The following TMEM108 variants were observed in gnomAD, a reference collection of about 807,000 sequenced individuals.
TMEM108 encodes transmembrane protein 108.
A neutral mutation model predicts 35.1 loss-of-function variants in TMEM108; 12 were observed. The observed-to-expected ratio is 0.34, with a 90% CI of 0.22 to 0.55. The LOEUF is 0.55. Ranked by LOEUF, TMEM108 falls within the 20% of genes least tolerant of loss-of-function variation. The probability of loss-of-function intolerance (pLI) is 0.89; values close to 1 mark genes in which losing one functional copy is unlikely to be tolerated. For missense variants in TMEM108, 680 were observed against 753.3 expected, an observed-to-expected ratio of 0.90 and a Z score of 1.14; for synonymous variants, 287 against 308.6, an observed-to-expected ratio of 0.93 and a Z score of 0.73.
chr3:133,146,324 G>A (rs1015983098), intron 2 of TMEM108, among the ~76,000 whole-genome samples: 1 of 152,146 alleles, frequency 6.6e-6, no homozygotes, highest in Non-Finnish European at 1.5e-5. Flanking sequence ...TGACTTGACT[G>A]TGGTGGATAA....
chr3:133,392,247 C>G (rs2073245105), intron 5 of TMEM108, among the ~76,000 whole-genome samples: 1 of 124,496 alleles, frequency 8.0e-6, no homozygotes, highest in Non-Finnish European at 1.8e-5. Flanking sequence ...ACTGCAGCCT[C>G]TGCCTCCCAG....
chr3:133,283,321 G>A (rs1946941345), intron 3 of TMEM108, among the ~76,000 whole-genome samples: 1 of 152,098 alleles, frequency 6.6e-6, no homozygotes, highest in Admixed American at 6.5e-5. Context: ...ACCAGTGTGA[G>A]GGAAAATAAT....
chr3:133,111,159 T>C (rs1944219526), intron 2 of TMEM108, among the ~76,000 whole-genome samples: 1 of 152,164 alleles, frequency 6.6e-6, no homozygotes, highest in Non-Finnish European at 1.5e-5. Flanking sequence ...AATTTTTGAA[T>C]GTAGTGTAAA....
chr3:133,188,983 T>C (rs993136085), intron 2 of TMEM108, among the ~76,000 whole-genome samples: 1 of 151,894 alleles, frequency 6.6e-6, no homozygotes, highest in East Asian at 1.9e-4. Flanking sequence ...AGGGTAGGAG[T>C]GGGTGGGTGT....
At chr3:133,387,419 A>G in intron 4 of TMEM108, 1 of 985,490 alleles carries the variant, frequency 1.0e-6, no homozygotes, top group Non-Finnish European at 1.2e-6. Context: ...TCAGGCCAGG[A>G]GCATGAACAT....
At chr3:133,100,135 G>C (rs1944068893) in intron 2 of TMEM108, among the ~76,000 whole-genome samples, 1 of 152,196 alleles carries the variant, frequency 6.6e-6, no homozygotes, top group African/African-American at 2.4e-5. Flanking sequence ...CATGGCAGCG[G>C]CGAGAGAAAA....
At chr3:133,098,753 G>T (rs1202836240) in intron 2 of TMEM108, among the ~76,000 whole-genome samples, 1 of 152,158 alleles carries the variant, frequency 6.6e-6, no homozygotes, top group Non-Finnish European at 1.5e-5. Context: ...GCTCCAAAAC[G>T]ATCTCCTTTG....
At chr3:133,246,927 A>T (rs1946394718) in intron 3 of TMEM108, 1 of 152,226 alleles carries the variant, frequency 6.6e-6, no homozygotes, top group African/African-American at 2.4e-5. Flanking sequence ...ATATTCTGAA[A>T]CATCAGATGT....
intron 2 of TMEM108, among the ~76,000 whole-genome samples, chr3:133,189,347 G>C (rs1258099163): frequency 6.6e-6 from 1 of 152,162 alleles, no homozygotes; most frequent in African/African-American, 2.4e-5. Context: ...TATAAACATG[G>C]ACCCTCTTTA....
chr3:133,390,389 C>T, intron 5 of TMEM108, 55 bp downstream of exon 5: 10 of 1,593,444 alleles, frequency 6.3e-6, no homozygotes, highest in Non-Finnish European at 7.7e-6. Context: ...CCAAAGAGAG[C>T]CATGGGGCAT....
At chr3:133,142,842 A>G (rs185530534) in intron 2 of TMEM108, among the ~76,000 whole-genome samples, 2 of 152,252 alleles carry the variant, frequency 1.3e-5, no homozygotes, top group East Asian at 3.9e-4. Context: ...ACATGTCTCA[A>G]TTATTTTCCC....
chr3:133,099,646 A>G (rs1217704413), intron 2 of TMEM108, among the ~76,000 whole-genome samples: 1 of 152,124 alleles, frequency 6.6e-6, no homozygotes, highest in Non-Finnish European at 1.5e-5. Context: ...GATACCCTAA[A>G]TCATCTCTCT....
chr3:133,308,334 A>G (rs1046951054), intron 3 of TMEM108, among the ~76,000 whole-genome samples: 2 of 152,066 alleles, frequency 1.3e-5, no homozygotes, highest in African/African-American at 4.8e-5. Flanking sequence ...CCCTTTTCCT[A>G]ATTGAATAAC....
intron 4 of TMEM108, among the ~76,000 whole-genome samples, chr3:133,385,756 A>G (rs536876791): frequency 1.1e-4 from 17 of 152,358 alleles, no homozygotes; most frequent in African/African-American, 4.1e-4. Flanking sequence ...ACATACCTGC[A>G]CACAACCCCA....
chr3:133,048,403 C>T (rs1943364402), intron 2 of TMEM108, among the ~76,000 whole-genome samples: 1 of 151,976 alleles, frequency 6.6e-6, no homozygotes, highest in Non-Finnish European at 1.5e-5. Flanking sequence ...TAATATATGC[C>T]CTTTGAATTA....
At chr3:133,280,343 G>T (rs986662957) in intron 3 of TMEM108, among the ~76,000 whole-genome samples, 1 of 152,138 alleles carries the variant, frequency 6.6e-6, no homozygotes, top group Non-Finnish European at 1.5e-5. Context: ...TACTACCCTA[G>T]CATTGATTAA....
At chr3:133,290,037 C>T (rs560909330) in intron 3 of TMEM108, among the ~76,000 whole-genome samples, 1 of 152,270 alleles carries the variant, frequency 6.6e-6, no homozygotes, top group African/African-American at 2.4e-5. Flanking sequence ...AGAGTCCCTG[C>T]CCCGATGAGT....
chr3:133,100,598 C>T (rs979654815), intron 2 of TMEM108, among the ~76,000 whole-genome samples: 3 of 152,138 alleles, frequency 2.0e-5, no homozygotes, highest in African/African-American at 7.2e-5. Flanking sequence ...GAGCAAGACC[C>T]TGTCTCATAA....
At chr3:133,220,384 C>T (rs1315108961) in intron 2 of TMEM108, among the ~76,000 whole-genome samples, 1 of 152,002 alleles carries the variant, frequency 6.6e-6, no homozygotes, top group Non-Finnish European at 1.5e-5. Context: ...TCAAGTGATC[C>T]TCCTGCCTCA....
Sources: gnomAD v4.1 joint callset for allele counts (sites outside exome capture counted in the v4.1 genomes callset) on GRCh38, gnomAD v4.1.1 for gene constraint, MANE v1.5 for transcripts, NCBI Gene and HGNC (gene_info 2026-07-23, HGNC 2026-07-21) for gene names.